Variants in IKZF2 observed in about 807,000 individuals in gnomAD.
The protein encoded by IKZF2 is zinc finger protein Helios.
IKZF2 carries 15 observed loss-of-function variants against 49.2 expected under a neutral mutation model. The observed-to-expected ratio is 0.30, with a 90% CI of 0.20 to 0.47. IKZF2 has a LOEUF of 0.47. Ranked by LOEUF, IKZF2 falls within the 20% of genes least tolerant of loss-of-function variation. The probability of loss-of-function intolerance (pLI) is 1.00; values close to 1 mark genes in which losing one functional copy is unlikely to be tolerated. For missense variants in IKZF2, 567 were observed against 664.6 expected (o/e 0.85, Z 1.61); for synonymous variants, 227 against 221.4 (o/e 1.03, Z -0.23).
chr2:213,107,202 G>C (rs1431746872), intron 4 of IKZF2, among the ~76,000 whole-genome samples: 2 of 151,906 alleles, frequency 1.3e-5, no homozygotes, highest in Non-Finnish European at 2.9e-5. Context: ...GTTAACACAA[G>C]ACAAAAAAAA....
chr2:213,138,796 T>C (rs1056919659), intron 4 of IKZF2, among the ~76,000 whole-genome samples: 2 of 152,052 alleles, frequency 1.3e-5, no homozygotes, highest in African/African-American at 4.8e-5. Flanking sequence ...AAAATCTCAT[T>C]TGATGCGGTC....
At chr2:213,117,187 C>G (rs1394896647) in intron 4 of IKZF2, among the ~76,000 whole-genome samples, 2 of 152,114 alleles carry the variant, frequency 1.3e-5, no homozygotes, top group Admixed American at 6.5e-5. Flanking sequence ...CTGAAAGGAG[C>G]AACTGTCATT....
chr2:213,106,887 C>A (rs937500492), intron 4 of IKZF2, among the ~76,000 whole-genome samples: 2 of 152,018 alleles, frequency 1.3e-5, no homozygotes, highest in Admixed American at 6.6e-5. Context: ...AAAAGTATCT[C>A]TCCAATTCAG....
intron 4 of IKZF2, among the ~76,000 whole-genome samples, chr2:213,058,715 T>C (rs1344761347): frequency 6.6e-6 from 1 of 151,946 alleles, no homozygotes; most frequent in Non-Finnish European, 1.5e-5. Flanking sequence ...TGTTGTGGTA[T>C]ATAGGAGATG....
intron 8 of IKZF2, among the ~76,000 whole-genome samples, chr2:213,013,520 T>C (rs893900043): frequency 3.9e-5 from 6 of 152,040 alleles, no homozygotes; most frequent in African/African-American, 1.2e-4. Flanking sequence ...AAGAAATTAA[T>C]ATTTTCTATT....
chr2:213,031,621 C>G (rs1698446054), intron 6 of IKZF2, among the ~76,000 whole-genome samples: 1 of 152,120 alleles, frequency 6.6e-6, no homozygotes, highest in South Asian at 2.1e-4. Context: ...TTGAACTTAA[C>G]ACCTAAAATA....
At chr2:213,073,272 G>C (rs907685413) in intron 4 of IKZF2, among the ~76,000 whole-genome samples, 2 of 152,126 alleles carry the variant, frequency 1.3e-5, no homozygotes, top group African/African-American at 4.8e-5. Context: ...CACTGAACTA[G>C]AAGTAAGATT....
rs1354276335 is a variant in IKZF2 at position 213,074,308 on chromosome 2, C to T, written c.140-17209G>A. Reference sequence around the variant, plus strand: ...TACATCACAAATCTAGATAGGATAGCCTACTTCATACCTAGGCCGTATGGT... The same window carrying T: ...TACATCACAAATCTAGATAGGATAGTCTACTTCATACCTAGGCCGTATGGT... On this transcript the variant is annotated intron_variant, in intron 4 of 8. Transcript: ENST00000434687. Among the ~76,000 whole-genome samples, 7 of 152,286 alleles carry T rather than the reference C, an allele frequency of 4.6e-5. No homozygotes were observed. In the East Asian group the frequency reaches 1.4e-3, roughly 29 times the overall value.
chr2:213,114,858 G>A, intron 4 of IKZF2, among the ~76,000 whole-genome samples: 1 of 151,856 alleles, frequency 6.6e-6, no homozygotes, highest in Non-Finnish European at 1.5e-5. Flanking sequence ...CTTGAACCCG[G>A]GAGGCAACTG....
chr2:213,066,563 T>C (rs778032136), intron 4 of IKZF2, among the ~76,000 whole-genome samples: 4 of 152,060 alleles, frequency 2.6e-5, no homozygotes, highest in Non-Finnish European at 5.9e-5. Context: ...GCAGGATTGG[T>C]CAGTTAGAAA....
At chr2:213,148,030 C>T (rs555525598) in intron 3 of IKZF2, among the ~76,000 whole-genome samples, 3 of 152,162 alleles carry the variant, frequency 2.0e-5, no homozygotes, top group South Asian at 4.1e-4. Context: ...ATTAACAAAA[C>T]TTTATTATCT....
chr2:213,032,411 C>T (rs929289250), intron 6 of IKZF2, among the ~76,000 whole-genome samples: 1 of 151,946 alleles, frequency 6.6e-6, no homozygotes, highest in Non-Finnish European at 1.5e-5. Context: ...ATGTATATAC[C>T]TTAATTTTAA....
chr2:213,062,568 T>A (rs909012856), intron 4 of IKZF2, among the ~76,000 whole-genome samples: 7 of 151,812 alleles, frequency 4.6e-5, no homozygotes, highest in African/African-American at 1.7e-4. Flanking sequence ...GATAGTAAAA[T>A]ACCATTCTTA....
chr2:213,020,869 G>A (rs1056125212), intron 7 of IKZF2, among the ~76,000 whole-genome samples: 12 of 152,090 alleles, frequency 7.9e-5, no homozygotes, highest in South Asian at 2.1e-4. Flanking sequence ...AGTGACTGTC[G>A]CAATCCCCAA....
chr2:213,105,482 T>G (rs913541822), intron 4 of IKZF2, among the ~76,000 whole-genome samples: 20 of 151,392 alleles, frequency 1.3e-4, no homozygotes, highest in African/African-American at 3.9e-4. Context: ...TTCTCTTACC[T>G]TTGTCTATAC....
Position 213,147,750 on chromosome 2 carries a change from T to C in IKZF2, c.97A>G (p.Thr33Ala), listed in dbSNP as rs1475245395. 2 of 1,614,060 alleles carry C rather than the reference T, an allele frequency of 1.2e-6. No individual in the cohort carries two copies. The highest frequency in any genetic ancestry group is 2.2e-5 in the South Asian group (2 of 91,090). ...SNMAIDLTSS[T>A]PNGQHASPSH... Reference sequence around the variant, plus strand: ...GGTGAGGCATGCTGTCCATTGGGTGTGCTTGAGGTGAGGTCAATTGCCATA... The same window carrying C: ...GGTGAGGCATGCTGTCCATTGGGTGCGCTTGAGGTGAGGTCAATTGCCATA... Residue 33 changes from threonine to alanine, a missense_variant, in exon 4 of 9, where the codon ACA becomes GCA. By Grantham distance (58) the Thr-to-Ala change is moderately conservative. Coordinates refer to ENST00000434687, the MANE Select transcript of IKZF2 (RefSeq NM_001387220.1).
At chr2:213,026,881 A>G (rs1285610212) in intron 6 of IKZF2, among the ~76,000 whole-genome samples, 1 of 152,094 alleles carries the variant, frequency 6.6e-6, no homozygotes, top group Non-Finnish European at 1.5e-5. Flanking sequence ...ATTTATGGTA[A>G]TGCTGAATTA....
At chr2:213,012,299 A>G (rs1696051904) in intron 8 of IKZF2, among the ~76,000 whole-genome samples, 1 of 151,898 alleles carries the variant, frequency 6.6e-6, no homozygotes, top group Admixed American at 6.6e-5. Flanking sequence ...TAAGGAATGC[A>G]GTGAAATAAA....
chr2:213,124,263 C>CGT (rs2060175014), intron 4 of IKZF2, among the ~76,000 whole-genome samples: 2 of 59,148 alleles, frequency 3.4e-5, no homozygotes, highest in Admixed American at 1.3e-4. Context: ...CACACACACA[C>CGT]ACACACACAC....
Sources: allele counts gnomAD v4.1 joint callset (sites outside exome capture counted in the v4.1 genomes callset), GRCh38; gene constraint gnomAD v4.1.1; transcripts MANE v1.5; gene names NCBI Gene and HGNC (gene_info 2026-07-23, HGNC 2026-07-21).